Variants in ZSWIM6 observed in about 807,000 individuals in gnomAD.
ZSWIM6 encodes zinc finger SWIM-type containing 6, also known as zinc finger SWIM domain-containing protein 6.
Under a neutral mutation model 113.2 loss-of-function variants are expected in ZSWIM6, and 9 were observed. The ratio of observed to expected loss-of-function variants is 0.08; its 90% CI spans 0.05 to 0.14. The LOEUF (loss-of-function observed/expected upper bound fraction) is 0.14. ZSWIM6 is among the 10% of genes least tolerant of loss of function. ZSWIM6 has a pLI of 1.00. For synonymous variants in ZSWIM6, 611 were observed against 606.5 expected (o/e 1.01, Z -0.11); for missense variants, 1,162 against 1,552.2 (o/e 0.75, Z 4.22).
chr5:61,411,025 A>C (rs1246871993), intron 1 of ZSWIM6, among the ~76,000 whole-genome samples: 2 of 152,226 alleles, frequency 1.3e-5, no homozygotes, highest in African/African-American at 4.8e-5. Context: ...TGGAAAGGGC[A>C]GCAGAAGAAA....
At chr5:61,372,149 A>G (rs1394389191) in intron 1 of ZSWIM6, among the ~76,000 whole-genome samples, 1 of 152,100 alleles carries the variant, frequency 6.6e-6, no homozygotes, top group East Asian at 1.9e-4. Flanking sequence ...GGCATTATTG[A>G]AAAGAAATAA....
intron 1 of ZSWIM6, among the ~76,000 whole-genome samples, chr5:61,417,495 C>T (rs1278622040): frequency 6.6e-6 from 1 of 152,116 alleles, no homozygotes; most frequent in African/African-American, 2.4e-5. Flanking sequence ...TTAGAGGACA[C>T]AGTTTCAGAA....
chr5:61,360,656 A>C (rs1021243827), intron 1 of ZSWIM6, among the ~76,000 whole-genome samples: 1 of 152,138 alleles, frequency 6.6e-6, no homozygotes, highest in Non-Finnish European at 1.5e-5. Context: ...CTTATCTAGC[A>C]CTTATTTTTA....
At chr5:61,393,905 G>A (rs1191811145) in intron 1 of ZSWIM6, among the ~76,000 whole-genome samples, 1 of 152,014 alleles carries the variant, frequency 6.6e-6, no homozygotes, top group African/African-American at 2.4e-5. Context: ...CAGGGGGCTT[G>A]GAAACAATAT....
At chr5:61,427,719 G>A (rs1421608160) in intron 1 of ZSWIM6, among the ~76,000 whole-genome samples, 3 of 151,910 alleles carry the variant, frequency 2.0e-5, no homozygotes, top group Admixed American at 2.0e-4. Flanking sequence ...GGGCTTAAGT[G>A]ATCCTCCTGC....
At chr5:61,372,101 T>A (rs1261911725) in intron 1 of ZSWIM6, among the ~76,000 whole-genome samples, 1 of 152,098 alleles carries the variant, frequency 6.6e-6, no homozygotes, top group Non-Finnish European at 1.5e-5. Context: ...ACTACAGAAA[T>A]GAGCAGCATT....
chr5:61,455,068 C>G (rs1469589225), intron 1 of ZSWIM6, among the ~76,000 whole-genome samples: 2 of 151,678 alleles, frequency 1.3e-5, no homozygotes, highest in Non-Finnish European at 2.9e-5. Flanking sequence ...AGGTATTTGT[C>G]TTGGGGAAAA....
At chr5:61,387,515 A>C (rs970690507) in intron 1 of ZSWIM6, among the ~76,000 whole-genome samples, 4 of 152,108 alleles carry the variant, frequency 2.6e-5, no homozygotes, top group Non-Finnish European at 5.9e-5. Context: ...CATATAAAAA[A>C]GTTAGCCAGG....
chr5:61,403,814 A>G (rs1745987399), intron 1 of ZSWIM6, among the ~76,000 whole-genome samples: 1 of 152,148 alleles, frequency 6.6e-6, no homozygotes, highest in Non-Finnish European at 1.5e-5. Context: ...CTTAGTTTTC[A>G]ATCTTGGGAG....
At chr5:61,336,770 A>C (rs962542687) in intron 1 of ZSWIM6, among the ~76,000 whole-genome samples, 1 of 152,206 alleles carries the variant, frequency 6.6e-6, no homozygotes, top group Non-Finnish European at 1.5e-5. Flanking sequence ...AGGAAAAAAA[A>C]ATCAAAAAGT....
intron 1 of ZSWIM6, among the ~76,000 whole-genome samples, chr5:61,350,127 C>T (rs1744749732): frequency 6.6e-6 from 1 of 152,146 alleles, no homozygotes. Flanking sequence ...GTGCTTGGCC[C>T]CTGAGAGGGC....
intron 1 of ZSWIM6, among the ~76,000 whole-genome samples, chr5:61,351,019 AGAAAG>A (rs1222480899): frequency 2.0e-5 from 3 of 152,230 alleles, no homozygotes; most frequent in African/African-American, 7.2e-5. Context: ...TCATAATTAG[AGAAAG>A]GAAACATTGT....
At chr5:61,422,402 C>A (rs1322854464) in intron 1 of ZSWIM6, among the ~76,000 whole-genome samples, 1 of 152,244 alleles carries the variant, frequency 6.6e-6, no homozygotes, top group South Asian at 2.1e-4. Context: ...TCTCTGGGTT[C>A]TCTGTTCTAT....
At chr5:61,349,924 C>T (rs1197671697) in intron 1 of ZSWIM6, among the ~76,000 whole-genome samples, 1 of 152,142 alleles carries the variant, frequency 6.6e-6, no homozygotes, top group Non-Finnish European at 1.5e-5. Flanking sequence ...CACATAACTT[C>T]AGAATATCCC....
Position 61,544,120 on chromosome 5 carries a change from A to C in ZSWIM6, c.3451A>C (p.Asn1151His). The C allele has an allele frequency of 6.4e-7, 1 of 1,551,816 alleles. No individual in the cohort carries two copies. Among genetic ancestry groups the C allele is most frequent in the Non-Finnish European group, 8.7e-7 (1 of 1,147,002 alleles). The change falls in exon 14 of 14, where the codon AAC becomes CAC. Residue 1151 changes from asparagine to histidine, a missense_variant. Coordinates refer to ENST00000252744, the MANE Select transcript of ZSWIM6 (RefSeq NM_020928.2). ...LLDATIGAYI[N>H]TTHSRLTHIS... ...GGATGCCACGATCGGGGCCTACATC[A>C]ACACAACGCACTCACGGCTCACACA...
At chr5:61,338,883 G>A (rs538029062) in intron 1 of ZSWIM6, among the ~76,000 whole-genome samples, 15 of 152,246 alleles carry the variant, frequency 9.9e-5, no homozygotes, top group African/African-American at 3.6e-4. Context: ...ACATCAGGAT[G>A]CCCTTGGAAC....
intron 1 of ZSWIM6, among the ~76,000 whole-genome samples, chr5:61,463,438 C>G (rs1160718920): frequency 6.6e-6 from 1 of 152,178 alleles, no homozygotes; most frequent in African/African-American, 2.4e-5. Flanking sequence ...GTCAGTGGTT[C>G]TCAAACTTTG....
chr5:61,408,065 G>T (rs1432533926), intron 1 of ZSWIM6, among the ~76,000 whole-genome samples: 1 of 152,156 alleles, frequency 6.6e-6, no homozygotes, highest in Non-Finnish European at 1.5e-5. Flanking sequence ...ATAGCAAAAA[G>T]ATGGGAAATT....
intron 1 of ZSWIM6, among the ~76,000 whole-genome samples, chr5:61,457,096 C>T (rs898586439): frequency 4.6e-5 from 7 of 151,736 alleles, no homozygotes; most frequent in Non-Finnish European, 1.0e-4. Flanking sequence ...TGATATTCCC[C>T]TTCCTGTGTC....
Sources: gnomAD v4.1 joint callset for allele counts (sites outside exome capture counted in the v4.1 genomes callset) on GRCh38, gnomAD v4.1.1 for gene constraint, MANE v1.5 for transcripts, NCBI Gene and HGNC (gene_info 2026-07-23, HGNC 2026-07-21) for gene names.